Variants in PRKCH observed in about 807,000 individuals in gnomAD.
PRKCH encodes protein kinase C eta type.
A neutral mutation model predicts 82.5 loss-of-function variants in PRKCH; 28 were observed. That is an observed-to-expected ratio of 0.34 (90% confidence interval 0.25 to 0.47). The LOEUF (loss-of-function observed/expected upper bound fraction) is 0.47. Among genes scored for constraint, PRKCH ranks in the 20% least tolerant of loss-of-function variants. The pLI is 1.00. For missense variants in PRKCH, 705 were observed against 881.8 expected (o/e 0.80, Z 2.54); for synonymous variants, 322 against 327.4 (o/e 0.98, Z 0.18).
At chr14:61,249,723 C>T (rs894934670) in intron 1 of PRKCH, among the ~76,000 whole-genome samples, 9 of 151,898 alleles carry the variant, frequency 5.9e-5, no homozygotes, top group East Asian at 3.9e-4. Context: ...TGGATTCAAG[C>T]GATTCTCCTG....
chr14:61,537,466 A>G (rs1450370468), intron 12 of PRKCH: 13 of 152,186 alleles, frequency 8.5e-5, no homozygotes, highest in Non-Finnish European at 1.5e-5. Flanking sequence ...GATGAGACAA[A>G]AGAAAGTCTA....
chr14:61,542,164 C>T (rs976593389), intron 12 of PRKCH, among the ~76,000 whole-genome samples: 1 of 151,996 alleles, frequency 6.6e-6, no homozygotes, highest in Non-Finnish European at 1.5e-5. Flanking sequence ...GTGGTGCACA[C>T]CTGTAATCCC....
At chr14:61,499,179 T>C (rs1037871000) in intron 10 of PRKCH, among the ~76,000 whole-genome samples, 4 of 152,182 alleles carry the variant, frequency 2.6e-5, no homozygotes, top group African/African-American at 9.7e-5. Flanking sequence ...CTGAGTACAC[T>C]GTGGTTTTAG....
At chr14:61,449,922 G>A (rs148233676) in intron 5 of PRKCH, among the ~76,000 whole-genome samples, 1 of 150,016 alleles carries the variant, frequency 6.7e-6, no homozygotes, top group South Asian at 2.1e-4. Context: ...GTGTGTGTGT[G>A]TATGTGTATA....
chr14:61,396,652 T>C (rs945289553), intron 2 of PRKCH, among the ~76,000 whole-genome samples: 2 of 152,180 alleles, frequency 1.3e-5, no homozygotes, highest in Admixed American at 6.5e-5. Flanking sequence ...GGAGGTGATG[T>C]TTAAAACAAG....
chr14:61,537,663 C>G (rs1012607685), intron 12 of PRKCH: 3 of 152,156 alleles, frequency 2.0e-5, no homozygotes, highest in Non-Finnish European at 4.4e-5. Flanking sequence ...CAGGTGAAGT[C>G]GGCACCCTTG....
chr14:61,280,280 T>C lies in PRKCH; in HGVS notation c.-19+92612T>C, dbSNP rs2045245348. On this transcript the variant is annotated intron_variant, in intron 1 of 3. Coordinates refer to the PRKCH transcript ENST00000555185. The surrounding 1 kb of genome is among the most constrained non-coding windows in gnomAD (Gnocchi z 5.0). ...CCGCCGAACGCGCGCACCGGGTAGT[T>C]GTAGGTGATGTTGACGCGGTAGGCG... The C allele has an allele frequency of 5.6e-6, 9 of 1,613,986 alleles. No individual in the cohort carries two copies. Among genetic ancestry groups the C allele is most frequent in the African/African-American group, 1.3e-5 (1 of 75,008 alleles).
In PRKCH at chr14:61,530,515, G is replaced by A. The variant is rs1461856669; in HGVS notation, c.1681G>A (p.Asp561Asn). The change falls in exon 12 of 14, where the codon GAC (aspartate) becomes AAC (asparagine). Residue 561 changes from aspartate to asparagine, a missense_variant. By Grantham distance (23) the Asp-to-Asn change is conservative. This residue lies in a region of PRKCH where 115 missense variants were observed against 193.8 expected (regional missense o/e 0.59). Transcript: ENST00000332981. ...HAPFEAENEDDLFEAILNDEV... is the reference protein window; with the variant it reads ...HAPFEAENEDNLFEAILNDEV... ...GCCTTTTGAGGCAGAGAACGAAGAT[G>A]ACCTCTTTGAGGCCATACTGAATGA... 4 of 1,612,368 alleles carry A rather than the reference G, an allele frequency of 2.5e-6. No individual in the cohort carries two copies. The African/African-American group carries it at 4.0e-5, about 16-fold the overall frequency.
intron 1 of PRKCH, among the ~76,000 whole-genome samples, chr14:61,276,347 A>AC (rs966564245): frequency 6.7e-6 from 1 of 148,432 alleles, no homozygotes; most frequent in Non-Finnish European, 1.5e-5. Flanking sequence ...CAGAAGAGGG[A>AC]CTTTTTTTTT....
Position 61,453,322 on chromosome 14 carries a change from G to T in PRKCH, c.929G>T (p.Gly310Val). 6.2e-7 allele frequency: 1 copy of T among 1,613,572 alleles called. No homozygotes were observed. The highest frequency in any genetic ancestry group is 8.5e-7 in the Non-Finnish European group (1 of 1,179,760). Residue 310 changes from glycine to valine, a missense_variant, in exon 7 of 14, where the codon GGT (glycine) becomes GTT (valine). Physicochemically the swap from Gly to Val is moderately radical, Grantham distance 109. This residue lies in a region of PRKCH where 238 missense variants were observed against 258.1 expected (regional missense o/e 0.92). Coordinates refer to ENST00000332981, the MANE Select transcript of PRKCH (RefSeq NM_006255.5). ...CTTGCCAAGACCCTGGCAGGGATGG[G>T]TCTCCAACCCGGAAATATTTCTCCA... ...VELAKTLAGM[G>V]LQPGNISPTS... is the part of the protein sequence containing the mutation.
At chr14:61,227,094 T>C (rs1307200649) in intron 1 of PRKCH, among the ~76,000 whole-genome samples, 1 of 152,208 alleles carries the variant, frequency 6.6e-6, no homozygotes, top group Non-Finnish European at 1.5e-5. Flanking sequence ...GGACAAGTGA[T>C]TTATTGATTT....
intron 1 of PRKCH, among the ~76,000 whole-genome samples, chr14:61,294,126 TA>T (rs200163978): frequency 4.3e-4 from 64 of 149,180 alleles, no homozygotes; most frequent in African/African-American, 1.4e-3. Context: ...TTTTTATTTT[TA>T]TTTTTTTTTT....
At chr14:61,467,599 AG>A (rs1373382815) in intron 9 of PRKCH, among the ~76,000 whole-genome samples, 1 of 152,238 alleles carries the variant, frequency 6.6e-6, no homozygotes, top group African/African-American at 2.4e-5. Flanking sequence ...GACAAGGAGA[AG>A]GGGAAGTATA....
chr14:61,489,407 A>G (rs2140335820), intron 10 of PRKCH, among the ~76,000 whole-genome samples: 1 of 152,284 alleles, frequency 6.6e-6, no homozygotes, highest in East Asian at 1.9e-4. Flanking sequence ...TCTGACACAA[A>G]TTTCTTCTTT....
At chr14:61,381,216 T>C (rs2140186071) in intron 1 of PRKCH, among the ~76,000 whole-genome samples, 1 of 152,302 alleles carries the variant, frequency 6.6e-6, no homozygotes, top group South Asian at 2.1e-4. Context: ...GTTGTGATCA[T>C]GGCCTGGGGC....
intron 1 of PRKCH, among the ~76,000 whole-genome samples, chr14:61,346,557 C>T (rs956911076): frequency 3.3e-5 from 5 of 152,230 alleles, no homozygotes; most frequent in African/African-American, 9.6e-5. Context: ...GCAATTATTA[C>T]GTGTCTGGGG....
At chr14:61,380,353 A>G (rs1299644850) in intron 1 of PRKCH, among the ~76,000 whole-genome samples, 4 of 152,022 alleles carry the variant, frequency 2.6e-5, no homozygotes, top group Non-Finnish European at 4.4e-5. Context: ...TGGCCTCCCA[A>G]AGTGTTGGGA....
At chr14:61,484,272 T>G (rs565667949) in intron 9 of PRKCH, among the ~76,000 whole-genome samples, 85 of 149,886 alleles carry the variant, frequency 5.7e-4, no homozygotes, top group Non-Finnish European at 1.1e-3. Flanking sequence ...TACCAGAATT[T>G]GTCAATCTGC....
chr14:61,481,990 CTT>C (rs35134897), intron 9 of PRKCH, among the ~76,000 whole-genome samples: 9,218 of 100,158 alleles, frequency 0.092, 109 homozygotes, highest in African/African-American at 0.13. Context: ...TTTCCTTTTC[CTT>C]TTTTTTTTTT....
Sources: allele counts gnomAD v4.1 joint callset (sites outside exome capture counted in the v4.1 genomes callset), GRCh38; gene constraint gnomAD v4.1.1; regional missense constraint gnomAD v4.1.1; non-coding constraint Gnocchi (gnomAD v3.1); transcripts MANE v1.5; gene names NCBI Gene and HGNC (gene_info 2026-07-23, HGNC 2026-07-21).